Variants in PCDHGB2 observed in about 807,000 individuals in gnomAD.
PCDHGB2 encodes protocadherin gamma subfamily B, 2.
Under a neutral mutation model 59.3 loss-of-function variants are expected in PCDHGB2, and 55 were observed. The ratio of observed to expected loss-of-function variants is 0.93; its 90% CI spans 0.75 to 1.16. The LOEUF (loss-of-function observed/expected upper bound fraction) is 1.16. Ranked by LOEUF, PCDHGB2 falls within the 50% of genes most tolerant of loss-of-function variation. The pLI is 0.00. For synonymous variants in PCDHGB2, 516 were observed against 512.0 expected (o/e 1.01, Z -0.11); for missense variants, 1,228 against 1,198.5 (o/e 1.02, Z -0.36).
At chr5:141,473,450 T>A (rs2099322542) in intron 1 of PCDHGB2, among the ~76,000 whole-genome samples, 2 of 152,150 alleles carry the variant, frequency 1.3e-5, no homozygotes, top group South Asian at 4.1e-4. Flanking sequence ...AAAATAATTA[T>A]AAAATTTAAA....
intron 1 of PCDHGB2, chr5:141,404,780 AAGGCCAGTGAGCC>A: frequency 6.2e-7 from 1 of 1,612,764 alleles, no homozygotes; most frequent in Non-Finnish European, 8.5e-7. Context: ...CCGCCTATTC[AAGGCCAGTGAGCC>A]AGGGCTCTTC....
At chr5:141,492,240 C>T (rs1031016944) in intron 1 of PCDHGB2, among the ~76,000 whole-genome samples, 1 of 152,242 alleles carries the variant, frequency 6.6e-6, no homozygotes, top group African/African-American at 2.4e-5. Flanking sequence ...CTGCTGGCCA[C>T]CCCCACGGCC....
intron 1 of PCDHGB2, chr5:141,410,849 CTTTTTTTT>C (rs759346998): frequency 2.0e-4 from 27 of 138,178 alleles, no homozygotes; most frequent in Middle Eastern, 4.3e-3. Context: ...TTGTCTTTGT[CTTTTTTTT>C]TTTTTTTTTT....
In PCDHGB2 at chr5:141,361,817, G is replaced by A. The variant is rs778870438; in HGVS notation, c.1682G>A (p.Arg561Gln). The A allele has an allele frequency of 1.2e-6, 2 of 1,613,072 alleles. No individual in the cohort carries two copies. Among genetic ancestry groups the A allele is most frequent in the Non-Finnish European group, 1.7e-6 (2 of 1,179,738 alleles). ...LVGDLNDNAP[R>Q]VLYPALGPDG... is the part of the protein sequence containing the mutation. ...GGCGACCTCAATGACAATGCGCCACGGGTGCTGTACCCCGCGCTGGGGCCT... is the reference window on the plus strand; with the variant it reads ...GGCGACCTCAATGACAATGCGCCACAGGTGCTGTACCCCGCGCTGGGGCCT... The change falls in exon 1 of 4, where the codon CGG becomes CAG. Residue 561 changes from arginine to glutamine, a missense_variant. Physicochemically the swap from Arg to Gln is conservative, Grantham distance 43. Coordinates refer to ENST00000522605, the MANE Select transcript of PCDHGB2 (RefSeq NM_018923.3).
rs772328241 is a variant in PCDHGB2 at position 141,491,340 on chromosome 5, C to A, written c.2422-3467C>A. On this transcript the variant is annotated intron_variant, in intron 1 of 3. Coordinates refer to ENST00000522605, the MANE Select transcript of PCDHGB2 (RefSeq NM_018923.3). The surrounding 1 kb of genome is among the most constrained non-coding windows in gnomAD (Gnocchi z 6.9). ...TTTACCTCATTGTGGCTCTAGCGACCGTCAGTCTCTTATCCCTAGTCACCT... is the reference window on the plus strand; with the variant it reads ...TTTACCTCATTGTGGCTCTAGCGACAGTCAGTCTCTTATCCCTAGTCACCT... 4.3e-6 allele frequency: 7 copies of A among 1,614,146 alleles called. No homozygotes were observed. Among genetic ancestry groups the A allele is most frequent in the Non-Finnish European group, 5.9e-6 (7 of 1,180,014 alleles).
Position 141,376,600 on chromosome 5 carries a change from G to C in PCDHGB2, c.2421+14044G>C, listed in dbSNP as rs1772879011. ...CTCATCAGCTAGATCGGCTGTTATAGAAGCGAACCTCTTTTGGTACAGGAA... is the reference window on the plus strand; with the variant it reads ...CTCATCAGCTAGATCGGCTGTTATACAAGCGAACCTCTTTTGGTACAGGAA... On this transcript the variant is annotated intron_variant, in intron 1 of 3. Transcript: ENST00000522605. The C allele has an allele frequency of 2.6e-6, 4 of 1,518,830 alleles. No homozygotes were observed. The African/African-American group carries it at 4.2e-5, about 16-fold the overall frequency. The allele number at this position is 1,518,830 out of a possible 1,614,324, so 94.1% of individuals were successfully genotyped here.
Position 141,361,197 on chromosome 5 carries a change from T to C in PCDHGB2, c.1062T>C (p.Thr354=), listed in dbSNP as rs750965424. 2.5e-6 allele frequency: 4 copies of C among 1,613,872 alleles called. No individual in the cohort carries two copies. In the Admixed American group the frequency reaches 6.7e-5, roughly 27 times the overall value. ...APEVIVTSVS[T]PLPEDSPPGT... Reference sequence around the variant, plus strand: ...AAGTTATTGTGACTTCAGTATCTACTCCCCTACCGGAGGATTCGCCACCAG... The same window carrying C: ...AAGTTATTGTGACTTCAGTATCTACCCCCCTACCGGAGGATTCGCCACCAG... Residue 354 remains threonine (T), a synonymous_variant, in exon 1 of 4, where the codon ACT becomes ACC. Transcript: ENST00000522605.
chr5:141,426,978 G>A (rs1383521288), intron 1 of PCDHGB2: 1 of 456,770 alleles, frequency 2.2e-6, no homozygotes, highest in Non-Finnish European at 4.4e-6. Flanking sequence ...TGAGGTCACT[G>A]ATGCCAACGA....
rs534304763 is a variant in PCDHGB2 at position 141,394,533 on chromosome 5, G to A, written c.2421+31977G>A. On this transcript the variant is annotated intron_variant, in intron 1 of 3. Transcript: ENST00000522605. The stretch of plus-strand genomic sequence containing the variant: ...CGCCCTCCCCACAGACGGTTCCACT[G>A]GCGTGGAGCTGGCGCCCCGCTCCGC... The A allele has an allele frequency of 2.1e-5, 34 of 1,614,210 alleles. 1 individual carries two copies. In the South Asian group the frequency reaches 3.0e-4, roughly 14 times the overall value.
chr5:141,444,722 C>T (rs72790051), intron 1 of PCDHGB2, among the ~76,000 whole-genome samples: 3,290 of 152,024 alleles, frequency 0.022, 51 homozygotes, highest in South Asian at 0.038. Flanking sequence ...TGCTTGGTGC[C>T]TTTGTTGAAA....
intron 1 of PCDHGB2, among the ~76,000 whole-genome samples, chr5:141,473,910 A>G (rs1165685707): frequency 6.6e-6 from 1 of 152,168 alleles, no homozygotes; most frequent in Non-Finnish European, 1.5e-5. Flanking sequence ...AAGAGGTCTT[A>G]AGAAAACTAT....
chr5:141,428,117 G>A lies in PCDHGB2; in HGVS notation c.2421+65561G>A, dbSNP rs980705077. 5 of 1,606,984 alleles carry A rather than the reference G, an allele frequency of 3.1e-6. No individual in the cohort carries two copies. The African/African-American group carries it at 6.7e-5, about 21-fold the overall frequency. Reference sequence around the variant, plus strand: ...CCTACCACGTGCTGCAGGCCATCGAGCCCGGGCTTTTCAGCCTGGGGCTGC... The same window carrying A: ...CCTACCACGTGCTGCAGGCCATCGAACCCGGGCTTTTCAGCCTGGGGCTGC... On this transcript the variant is annotated intron_variant, in intron 1 of 3. Coordinates refer to ENST00000522605, the MANE Select transcript of PCDHGB2 (RefSeq NM_018923.3).
intron 1 of PCDHGB2, among the ~76,000 whole-genome samples, chr5:141,373,280 A>G (rs1187870137): frequency 6.6e-6 from 1 of 152,242 alleles, no homozygotes; most frequent in Non-Finnish European, 1.5e-5. Context: ...GATGTTGCCT[A>G]TGTCAGGGCA....
chr5:141,420,494 C>A (rs978136090), intron 1 of PCDHGB2: 1 of 499,510 alleles, frequency 2.0e-6, no homozygotes, highest in Non-Finnish European at 3.1e-6. Context: ...GGGTAATCTC[C>A]GGTGACATTT....
At position 141,486,634 on chromosome 5, in the gene PCDHGB2, T is replaced by C; in HGVS notation, c.2422-8173T>C. 1 of 1,613,762 alleles carries C rather than the reference T, an allele frequency of 6.2e-7. No individual in the cohort carries two copies. The highest frequency in any genetic ancestry group is 8.5e-7 in the Non-Finnish European group (1 of 1,180,044). ...CCTCTGACCCAGACTCTGGCTTGAA[T>C]GCGCTTATCTCCTACTCACTCCTGG... On this transcript the variant is annotated intron_variant, in intron 1 of 3. Coordinates refer to ENST00000522605, the MANE Select transcript of PCDHGB2 (RefSeq NM_018923.3). The surrounding 1 kb of genome is among the most constrained non-coding windows in gnomAD (Gnocchi z 5.0).
intron 1 of PCDHGB2, chr5:141,366,049 G>C (rs542025009): frequency 1.2e-6 from 2 of 1,614,126 alleles, no homozygotes; most frequent in Non-Finnish European, 1.7e-6. Flanking sequence ...ACGGTTCCAC[G>C]GGCGTGGAGC....
Position 141,436,164 on chromosome 5 carries a change from A to G in PCDHGB2, c.2422-58643A>G, listed in dbSNP as rs896845015. Among the ~76,000 whole-genome samples, 8 of 152,188 alleles carry G rather than the reference A, an allele frequency of 5.3e-5. No homozygotes were observed. The East Asian group carries it at 1.3e-3, about 26-fold the overall frequency. ...AACTACCAAAATGTTTATCATATGG[A>G]CAGTTCTCATATATAGTCAAATAGA... On this transcript the variant is annotated intron_variant, in intron 1 of 3. Transcript: ENST00000522605.
intron 1 of PCDHGB2, chr5:141,403,131 C>T: frequency 5.6e-6 from 9 of 1,614,034 alleles, no homozygotes; most frequent in Non-Finnish European, 6.8e-6. Context: ...CGGGAGCTGG[C>T]GGAGCGCCGA....
intron 1 of PCDHGB2, chr5:141,478,633 T>C: frequency 6.4e-7 from 1 of 1,553,032 alleles, no homozygotes; most frequent in Non-Finnish European, 8.7e-7. Context: ...GTTTTTTTAG[T>C]GATGAAGATG....
Sources: gnomAD v4.1 joint callset for allele counts (sites outside exome capture counted in the v4.1 genomes callset) on GRCh38, gnomAD v4.1.1 for gene constraint, Gnocchi (gnomAD v3.1) non-coding constraint, MANE v1.5 for transcripts, NCBI Gene and HGNC (gene_info 2026-07-23, HGNC 2026-07-21) for gene names.